The following BDP1 variants were observed in gnomAD, a reference collection of about 807,000 sequenced individuals.
BDP1 encodes the protein transcription factor TFIIIB component B'' homolog.
BDP1 carries 169 observed loss-of-function variants against 266.6 expected under a neutral mutation model. That is an observed-to-expected ratio of 0.63 (90% CI 0.56 to 0.72). The LOEUF is 0.72. Ranked by LOEUF, BDP1 falls within the 30% of genes least tolerant of loss-of-function variation. The pLI is 0.00. For synonymous variants in BDP1, 1,090 were observed against 1,022.4 expected (o/e 1.07, Z -1.26); for missense variants, 3,015 against 3,053.8 (o/e 0.99, Z 0.30).
At chr5:71,560,318 A>G (rs762545321) in intron 37 of BDP1, 81 bp downstream of exon 37, 636 of 1,404,108 alleles carry the variant, frequency 4.5e-4, no homozygotes, top group Non-Finnish European at 5.7e-4. Flanking sequence ...TAGATCCAGT[A>G]CTAAGGATGG....
intron 18 of BDP1, 114 bp from the exon 19 acceptor site, chr5:71,513,063 CAAAAAAAA>C (rs34252624): frequency 2.2e-4 from 90 of 416,520 alleles, no homozygotes; most frequent in South Asian, 3.6e-4. Context: ...ACCCTGTCTC[CAAAAAAAA>C]AAAAAAAAAA....
intron 16 of BDP1, among the ~76,000 whole-genome samples, chr5:71,505,529 T>TGGCC (rs1417754137): frequency 6.6e-6 from 1 of 152,216 alleles, no homozygotes; most frequent in African/African-American, 2.4e-5. Flanking sequence ...CAAGCCAGAC[T>TGGCC]GATGGAATTA....
intron 36 of BDP1, 84 bp from the exon 37 acceptor site, chr5:71,559,898 C>T (rs1743504894): frequency 2.9e-6 from 4 of 1,392,248 alleles, no homozygotes; most frequent in African/African-American, 1.4e-5. Flanking sequence ...TATAGAATAC[C>T]ATGGGTTTCT....
intron 20 of BDP1, among the ~76,000 whole-genome samples, 196 bp from the exon 21 acceptor site, chr5:71,515,865 T>A (rs1765187693): frequency 6.6e-6 from 1 of 152,226 alleles, no homozygotes; most frequent in Admixed American, 6.5e-5. Flanking sequence ...TATATAAGTT[T>A]ATTACCTTTT....
intron 25 of BDP1, among the ~76,000 whole-genome samples, chr5:71,528,306 C>T (rs186295421): frequency 2.4e-4 from 36 of 152,288 alleles, no homozygotes; most frequent in Non-Finnish European, 4.7e-4. Context: ...ACTAGAGAAA[C>T]GTGTTGAACA....
rs535538241 is a variant in BDP1, at chr5:71,562,352, C to T, written c.7575C>T (p.Val2525=). 159 of 1,613,018 alleles carry T rather than the reference C, an allele frequency of 9.9e-5. No homozygotes were observed. The Middle Eastern group carries it at 4.3e-3, about 44-fold the overall frequency. ...NSLESDEPMQ[V]HSKKRLKPLI... is the part of the protein sequence containing the mutation. ...TGGAGTCTGATGAACCTATGCAAGT[C>T]CATAGTAAGAAACGCCTAAAACCTC... Residue 2525 remains valine (V), a synonymous_variant, in exon 38 of 39, where the codon GTC becomes GTT. Transcript: ENST00000358731.
intron 28 of BDP1, 42 bp downstream of exon 28, chr5:71,539,691 A>G: frequency 7.2e-7 from 1 of 1,384,706 alleles, no homozygotes; most frequent in Non-Finnish European, 1.0e-6. Flanking sequence ...AGAAACTTTT[A>G]AAACCTAACT....
intron 13 of BDP1, among the ~76,000 whole-genome samples, chr5:71,497,810 G>C (rs925288473): frequency 6.6e-6 from 1 of 152,108 alleles, no homozygotes; most frequent in Admixed American, 6.5e-5. Context: ...ACAGGGTCTT[G>C]CTCTATTGCC....
At chr5:71,486,316 G>A (rs1023623511) in intron 8 of BDP1, among the ~76,000 whole-genome samples, 168 bp from the exon 9 acceptor site, 1 of 151,930 alleles carries the variant, frequency 6.6e-6, no homozygotes, top group Admixed American at 6.6e-5. Flanking sequence ...CTATTTCCCT[G>A]CTAAGACCAA....
At chr5:71,541,402 G>A in intron 28 of BDP1, 52 bp from the exon 29 acceptor site, 1 of 702,056 alleles carries the variant, frequency 1.4e-6, no homozygotes, top group Non-Finnish European at 2.2e-6. Context: ...AATTTATTTT[G>A]AGCATCTATA....
At chr5:71,517,108 T>C (rs1157801796) in intron 21 of BDP1, among the ~76,000 whole-genome samples, 1 of 152,184 alleles carries the variant, frequency 6.6e-6, no homozygotes, top group Non-Finnish European at 1.5e-5. Context: ...CTGCCTGTAA[T>C]CCCAGTTACT....
At position 71,458,322 on chromosome 5, in the gene BDP1, AT is replaced by A. The variant is rs1475982185; in HGVS notation, c.213-256del. ...TATTTGTTTTGAGGGGGGTAAGCCT[AT>A]AATTATGTGCTGTAATGTGCCTAGG... is the stretch of plus-strand genomic sequence containing the variant. On this transcript the variant is annotated intron_variant, in intron 1 of 38. Transcript: ENST00000358731. Among the ~76,000 whole-genome samples the A allele has an allele frequency of 2.0e-5, 3 of 152,106 alleles. No homozygotes were observed. In the East Asian group the frequency reaches 5.8e-4, roughly 29 times the overall value.
chr5:71,482,932 A>G (rs930107690), intron 7 of BDP1, among the ~76,000 whole-genome samples: 3 of 152,202 alleles, frequency 2.0e-5, no homozygotes, highest in African/African-American at 7.2e-5. Context: ...CAGGTTTTAA[A>G]AATATGGGCA....
chr5:71,462,105 G>A (rs1761614227), intron 3 of BDP1, among the ~76,000 whole-genome samples, 179 bp downstream of exon 3: 1 of 151,988 alleles, frequency 6.6e-6, no homozygotes, highest in East Asian at 1.9e-4. Context: ...TGGGATTACA[G>A]ATGCTCGCCA....
At chr5:71,497,812 T>C (rs2150429453) in intron 13 of BDP1, among the ~76,000 whole-genome samples, 1 of 152,338 alleles carries the variant, frequency 6.6e-6, no homozygotes, top group South Asian at 2.1e-4. Flanking sequence ...AGGGTCTTGC[T>C]CTATTGCCCA....
chr5:71,521,044 C>T (rs1014875476), intron 22 of BDP1, among the ~76,000 whole-genome samples: 1 of 151,590 alleles, frequency 6.6e-6, no homozygotes, highest in Non-Finnish European at 1.5e-5. Flanking sequence ...CAAAATTAGC[C>T]AGCCGTGGTG....
chr5:71,569,568 A>G (rs1347893074), downstream of BDP1, among the ~76,000 whole-genome samples: 6 of 151,626 alleles, frequency 4.0e-5, no homozygotes, highest in Non-Finnish European at 8.8e-5. Context: ...GCAACATGGC[A>G]AAACCCCTTG....
At chr5:71,491,906 A>G (rs1231984656) in intron 11 of BDP1, among the ~76,000 whole-genome samples, 3 of 152,102 alleles carry the variant, frequency 2.0e-5, no homozygotes, top group African/African-American at 7.2e-5. Flanking sequence ...TTTGGTAGAG[A>G]CAGGGTTTCA....
intron 36 of BDP1, among the ~76,000 whole-genome samples, chr5:71,559,133 G>A (rs556957171): frequency 7.2e-4 from 110 of 152,132 alleles, no homozygotes; most frequent in African/African-American, 2.6e-3. Flanking sequence ...CAGCCTGGAC[G>A]ACAGAGCGAG....
Sources: allele counts gnomAD v4.1 joint callset (sites outside exome capture counted in the v4.1 genomes callset), GRCh38; gene constraint gnomAD v4.1.1; transcripts MANE v1.5; gene names NCBI Gene and HGNC (gene_info 2026-07-23, HGNC 2026-07-21).